Variants in PIAS4 observed in about 807,000 individuals in gnomAD.
The protein encoded by PIAS4 is protein inhibitor of activated STAT 4.
Under a neutral mutation model 58.0 loss-of-function variants are expected in PIAS4, and 7 were observed. That is an observed-to-expected ratio of 0.12 (90% CI 0.07 to 0.23). The LOEUF (loss-of-function observed/expected upper bound fraction) is 0.23. Ranked by LOEUF, PIAS4 falls within the 10% of genes least tolerant of loss-of-function variation. The pLI is 1.00. For missense variants in PIAS4, 550 were observed against 709.5 expected, an observed-to-expected ratio of 0.78 and a Z score of 2.55; for synonymous variants, 364 against 312.4, an observed-to-expected ratio of 1.17 and a Z score of -1.74.
At chr19:4,018,943 CGTGTGTGCGCCGGGGT>C (rs2040080316) in intron 2 of PIAS4, among the ~76,000 whole-genome samples, 1 of 152,082 alleles carries the variant, frequency 6.6e-6, no homozygotes, top group African/African-American at 2.4e-5. Flanking sequence ...GGGTGGTGGC[CGTGTGTGCGCCGGGGT>C]GTGTGTGGCC....
chr19:4,037,349 G>T lies in PIAS4; in HGVS notation c.1143-25G>T, dbSNP rs769094366. ...GGGGGGTGGGGCACCTCCAGCCCCGGCGTCAGCTGTCCGCCTCGCCCCAGG... is the reference window on the plus strand; with the variant it reads ...GGGGGGTGGGGCACCTCCAGCCCCGTCGTCAGCTGTCCGCCTCGCCCCAGG... On this transcript the variant is annotated intron_variant, in intron 9 of 10. Coordinates refer to ENST00000262971, the MANE Select transcript of PIAS4 (RefSeq NM_015897.4). This position sits in a 1 kb window ranked among gnomAD's most constrained non-coding sequence, Gnocchi z 5.8. 3 of 1,588,090 alleles carry T rather than the reference G, an allele frequency of 1.9e-6. No homozygotes were observed. Among genetic ancestry groups the T allele is most frequent in the South Asian group, 1.1e-5 (1 of 89,174 alleles).
In PIAS4 at chr19:4,029,156, TCTGGGG is replaced by T. The variant is rs2040198616; in HGVS notation, c.907+121_907+126del. ...AGATCGATCAGGGGCCGCCTGTCAC[TCTGGGG>T]GTCCATGGCCCCCCGGCTGTGGCTG... On this transcript the variant is annotated intron_variant, in intron 7 of 10. Coordinates refer to ENST00000262971, the MANE Select transcript of PIAS4 (RefSeq NM_015897.4). 1.0e-4 allele frequency: 73 copies of T among 702,122 alleles called. No individual in the cohort carries two copies. In the South Asian group the frequency reaches 1.2e-3, roughly 12 times the overall value. The allele number at this position is 702,122 out of a possible 1,614,324, so 43.5% of individuals were successfully genotyped here. A position where few individuals can be genotyped will look rare whatever the true frequency, so the allele number is the denominator to read the frequency against.
intron 2 of PIAS4, among the ~76,000 whole-genome samples, chr19:4,018,154 A>G (rs758482398): frequency 1.3e-5 from 2 of 152,200 alleles, no homozygotes; most frequent in Non-Finnish European, 2.9e-5. Context: ...ATTTCTATTT[A>G]AACTTGTACA....
At position 4,038,080 on chromosome 19, in the gene PIAS4, TACAAAAAAGAAAAATGAA is replaced by T. The variant is rs945868993; in HGVS notation, c.*215_*232del. 5.5e-6 allele frequency: 3 copies of T among 544,122 alleles called. No individual in the cohort carries two copies. Among genetic ancestry groups the T allele is most frequent in the African/African-American group, 2.1e-5 (1 of 48,584 alleles). The allele number at this position is 544,122 out of a possible 1,614,324, so 33.7% of individuals were successfully genotyped here. On this transcript the variant is annotated 3_prime_UTR_variant, in exon 11 of 11. Coordinates refer to ENST00000262971, the MANE Select transcript of PIAS4 (RefSeq NM_015897.4). This position sits in a 1 kb window ranked among gnomAD's most constrained non-coding sequence, Gnocchi z 4.1. Reference sequence around the variant, plus strand: ...AAAAAAGTAAAATGACAAAAAAAGATACAAAAAAGAAAAATGAAACAAAAAAGTCAAACTCTTAAAAAC... The same window carrying T: ...AAAAAAGTAAAATGACAAAAAAAGATACAAAAAAGTCAAACTCTTAAAAAC...
intron 1 of PIAS4, among the ~76,000 whole-genome samples, 179 bp from the exon 2 acceptor site, chr19:4,012,744 G>T (rs1353290709): frequency 1.3e-5 from 2 of 151,746 alleles, no homozygotes; most frequent in Admixed American, 1.3e-4. Flanking sequence ...GAGGGAGGGG[G>T]CAGGGCTTTG....
At chr19:4,026,725 C>T (rs940737349) in intron 3 of PIAS4, among the ~76,000 whole-genome samples, 2 of 152,178 alleles carry the variant, frequency 1.3e-5, no homozygotes, top group African/African-American at 4.8e-5. Context: ...CTCTGTCGCC[C>T]AGGCTGGAGT....
chr19:4,029,963 C>T (rs1345597265), intron 7 of PIAS4, among the ~76,000 whole-genome samples: 1 of 151,830 alleles, frequency 6.6e-6, no homozygotes, highest in Non-Finnish European at 1.5e-5. Context: ...GCTGGGACTA[C>T]AGGCATGTGC....
intron 7 of PIAS4, 68 bp from the exon 8 acceptor site, chr19:4,033,032 C>A: frequency 7.7e-7 from 1 of 1,293,742 alleles, no homozygotes; most frequent in African/African-American, 1.4e-5. Flanking sequence ...CCGGAGAGAA[C>A]TCGAATCACA....
intron 9 of PIAS4, among the ~76,000 whole-genome samples, chr19:4,035,657 T>C (rs930791993): frequency 3.3e-5 from 5 of 150,858 alleles, no homozygotes; most frequent in Non-Finnish European, 7.4e-5. Flanking sequence ...CACTCCAGCC[T>C]GTTTCCTGAT....
At chr19:4,030,274 CTTGT>C (rs2040211072) in intron 7 of PIAS4, among the ~76,000 whole-genome samples, 1 of 146,196 alleles carries the variant, frequency 6.8e-6, no homozygotes, top group Non-Finnish European at 1.6e-5. Context: ...CTCTTTTGTC[CTTGT>C]AACAATGAAA....
rs1309979755 is a variant in PIAS4 at position 4,029,047 on chromosome 19, C to T, written c.907+11C>T. The stretch of plus-strand genomic sequence containing the variant: ...TGTGCAAGGCACTGGGTGAGCAGCT[C>T]AGGCCACCTCGGCCGAGGGGTGCCA... On this transcript the variant is annotated intron_variant, in intron 7 of 10. Coordinates refer to ENST00000262971, the MANE Select transcript of PIAS4 (RefSeq NM_015897.4). 2 of 1,579,032 alleles carry T rather than the reference C, an allele frequency of 1.3e-6. No homozygotes were observed. The highest frequency in any genetic ancestry group is 1.8e-5 in the Admixed American group (1 of 56,270).
At chr19:4,035,864 C>T (rs111376987) in intron 9 of PIAS4, among the ~76,000 whole-genome samples, 39 of 149,790 alleles carry the variant, frequency 2.6e-4, no homozygotes, top group South Asian at 6.6e-4. Context: ...ATACAGTCCA[C>T]ACCGTCTCAC....
rs2040026320 is a variant in PIAS4 at position 4,013,944 on chromosome 19, G to T, written c.454+595G>T. Reference sequence around the variant, plus strand: ...GTCCGTTGCTCACACAGACTCTGTGGCGCATGCAGGGACCACACCAGGCTG... The same window carrying T: ...GTCCGTTGCTCACACAGACTCTGTGTCGCATGCAGGGACCACACCAGGCTG... On this transcript the variant is annotated intron_variant, in intron 2 of 10. Coordinates refer to ENST00000262971, the MANE Select transcript of PIAS4 (RefSeq NM_015897.4). This position sits in a 1 kb window ranked among gnomAD's most constrained non-coding sequence, Gnocchi z 5.1. 6.6e-6 allele frequency among the ~76,000 whole-genome samples: 1 copy of T among 152,186 alleles called. No individual in the cohort carries two copies. The highest frequency in any genetic ancestry group is 6.5e-5 in the Admixed American group (1 of 15,282).
chr19:4,033,474 C>G lies in PIAS4; in HGVS notation c.1036C>G (p.Gln346Glu). 6.3e-7 allele frequency: 1 copy of G among 1,575,592 alleles called. No individual in the cohort carries two copies. The highest frequency in any genetic ancestry group is 8.6e-7 in the Non-Finnish European group (1 of 1,161,472). The part of the protein sequence containing the change: ...PCRAETCAHL[Q>E]CFDAVFYLQM... ...CCGGGCAGAGACCTGTGCCCACCTG[C>G]AGTGCTTCGACGCCGTCTTCTACCT... is the stretch of plus-strand genomic sequence containing the variant. The change falls in exon 9 of 11, where the codon CAG becomes GAG. Residue 346 changes from glutamine (Q) to glutamate (E), a missense_variant. Gln to Glu is a conservative substitution (Grantham distance 29). Transcript: ENST00000262971.
In PIAS4 at chr19:4,024,081, C is replaced by A. The variant is rs774851982; in HGVS notation, c.500C>A (p.Ala167Glu). ...EKLQESPCIF[A>E]LTPRQVELIR... ...CTTCAGGAGAGCCCGTGCATCTTCG[C>A]ATTGACGCCAAGACAGGTGGAGTTG... is the stretch of plus-strand genomic sequence containing the variant. The change falls in exon 3 of 11, where the codon GCA becomes GAA. Residue 167 changes from alanine to glutamate, a missense_variant. By Grantham distance (107) the Ala-to-Glu change is moderately radical. Transcript: ENST00000262971. The A allele has an allele frequency of 6.2e-7, 1 of 1,614,060 alleles. No homozygotes were observed. The highest frequency in any genetic ancestry group is 1.7e-5 in the Admixed American group (1 of 60,016).
intron 1 of PIAS4, among the ~76,000 whole-genome samples, chr19:4,008,271 C>T (rs2039962097): frequency 6.6e-6 from 1 of 152,234 alleles, no homozygotes; most frequent in African/African-American, 2.4e-5. Flanking sequence ...GCCCAACAGG[C>T]CAGGCTGGGG....
chr19:4,036,101 CAA>C (rs749969281), intron 9 of PIAS4, among the ~76,000 whole-genome samples: 1,810 of 75,480 alleles, frequency 0.024, 148 homozygotes, highest in African/African-American at 0.076. Flanking sequence ...CACCGTCATA[CAA>C]ACACACACAC....
chr19:4,010,902 C>T (rs768188241), intron 1 of PIAS4, among the ~76,000 whole-genome samples: 7 of 152,238 alleles, frequency 4.6e-5, no homozygotes, highest in Non-Finnish European at 7.3e-5. Flanking sequence ...GCCGCCTGCA[C>T]GTGTGTCCCT....
rs2040138438 is a variant in PIAS4, at chr19:4,024,085, G to C, written c.504G>C (p.Leu168Phe). 1 of 1,613,950 alleles carries C rather than the reference G, an allele frequency of 6.2e-7. No individual in the cohort carries two copies. Among genetic ancestry groups the C allele is most frequent in the Non-Finnish European group, 8.5e-7 (1 of 1,179,946 alleles). ...AGGAGAGCCCGTGCATCTTCGCATTGACGCCAAGACAGGTGGAGTTGATCC... is the reference window on the plus strand; with the variant it reads ...AGGAGAGCCCGTGCATCTTCGCATTCACGCCAAGACAGGTGGAGTTGATCC... ...KLQESPCIFA[L>F]TPRQVELIRN... is the part of the protein sequence containing the mutation. Residue 168 changes from leucine to phenylalanine, a missense_variant, in exon 3 of 11, where the codon TTG becomes TTC. This residue lies in a region of PIAS4 where 225 missense variants were observed against 345.8 expected (regional missense o/e 0.65). Coordinates refer to ENST00000262971, the MANE Select transcript of PIAS4 (RefSeq NM_015897.4).
Sources: gnomAD v4.1 joint callset for allele counts (sites outside exome capture counted in the v4.1 genomes callset) on GRCh38, gnomAD v4.1.1 for gene constraint, gnomAD v4.1.1 regional missense constraint, Gnocchi (gnomAD v3.1) non-coding constraint, MANE v1.5 for transcripts, NCBI Gene and HGNC (gene_info 2026-07-23, HGNC 2026-07-21) for gene names.